Variants in ZNF90 observed in about 807,000 individuals in gnomAD.
ZNF90 encodes the protein zinc finger protein 90, also known as zinc finger protein HTF9.
ZNF90 carries 11 observed loss-of-function variants against 12.0 expected under a neutral mutation model. The ratio of observed to expected loss-of-function variants is 0.92; its 90% CI spans 0.58 to 1.52. The LOEUF is 1.52. Ranked by LOEUF, ZNF90 falls within the 40% of genes most tolerant of loss-of-function variation. ZNF90 has a pLI of 0.00. For missense variants in ZNF90, 765 were observed against 711.5 expected, an observed-to-expected ratio of 1.08 and a Z score of -0.86; for synonymous variants, 232 against 240.1, an observed-to-expected ratio of 0.97 and a Z score of 0.31.
chr19:20,093,227 C>T (rs1050528515), intron 1 of ZNF90, among the ~76,000 whole-genome samples: 1 of 152,222 alleles, frequency 6.6e-6, no homozygotes, highest in Non-Finnish European at 1.5e-5. Context: ...CTGAACTAAT[C>T]TGTAAGACTT....
rs56068843 is a variant in ZNF90 at position 20,085,268 on chromosome 19, C to CTTTTTTTTTTCTTTCTTTTT, written c.3+7143_3+7144insCTTTCTTTTTTTTTTTTTTT. Among the ~76,000 whole-genome samples the CTTTTTTTTTTCTTTCTTTTT allele has an allele frequency of 6.2e-3, 840 of 135,536 alleles. 8 individuals are homozygous for CTTTTTTTTTTCTTTCTTTTT. The highest frequency in any genetic ancestry group is 9.6e-3 in the Non-Finnish European group (625 of 65,084). 88.9% of individuals were successfully genotyped at this position (135,536 alleles called of 152,430 possible). ...GGCCTCTCTGTTCTGTTGCATTGGTCTTTTTTTTTTAGACGGAGTCTCGCT... is the reference window on the plus strand; with the variant it reads ...GGCCTCTCTGTTCTGTTGCATTGGTCTTTTTTTTTTCTTTCTTTTTTTTTTTTTTTAGACGGAGTCTCGCT... On this transcript the variant is annotated intron_variant, in intron 1 of 3. Coordinates refer to ENST00000418063, the MANE Select transcript of ZNF90 (RefSeq NM_007138.2).
At position 20,078,090 on chromosome 19, in the gene ZNF90, G is replaced by A. The variant is rs768145527; in HGVS notation, c.-43G>A. 4.3e-6 allele frequency: 7 copies of A among 1,613,924 alleles called. No homozygotes were observed. In the Admixed American group the frequency reaches 6.7e-5, roughly 15 times the overall value. ...GCCTCTGTGGCCCTGTGACCTGCAG[G>A]TATTGGGAGATCCACAGCTGAGGGA... On this transcript the variant is annotated 5_prime_UTR_variant, in exon 1 of 4. Coordinates refer to ENST00000418063, the MANE Select transcript of ZNF90 (RefSeq NM_007138.2).
chr19:20,102,990 C>G (rs543483334), intron 1 of ZNF90, among the ~76,000 whole-genome samples: 45 of 152,034 alleles, frequency 3.0e-4, no homozygotes, highest in Non-Finnish European at 2.8e-4. Flanking sequence ...ATTTTACTTA[C>G]TTTTTTTGGG....
chr19:20,102,087 A>G (rs551704262), intron 1 of ZNF90, among the ~76,000 whole-genome samples: 3 of 152,176 alleles, frequency 2.0e-5, no homozygotes, highest in Non-Finnish European at 4.4e-5. Flanking sequence ...TCAGCTTGTT[A>G]ACTTCCTTTA....
At position 20,120,540 on chromosome 19, in the gene ZNF90, T is replaced by C. The variant is rs1183875542; in HGVS notation, c.*1180T>C. Among the ~76,000 whole-genome samples, 2 of 152,140 alleles carry C rather than the reference T, an allele frequency of 1.3e-5. No individual in the cohort carries two copies. Among genetic ancestry groups the C allele is most frequent in the Admixed American group, 1.3e-4 (2 of 15,270 alleles). The stretch of plus-strand genomic sequence containing the variant: ...AAATTTTTTTTCAAAAACTACAGCT[T>C]AGAAAACACCAGAGAGTTGATACTA... On this transcript the variant is annotated 3_prime_UTR_variant, in exon 4 of 4. Transcript: ENST00000418063.
rs2089012763 is a variant in ZNF90 at position 20,104,299 on chromosome 19, G to T, written c.64G>T (p.Asp22Tyr). The change falls in exon 2 of 4, where the codon GAC (aspartate) becomes TAC (tyrosine). Residue 22 changes from aspartate (D) to tyrosine (Y), a missense_variant. Asp to Tyr is a radical substitution (Grantham distance 160). Coordinates refer to ENST00000418063, the MANE Select transcript of ZNF90 (RefSeq NM_007138.2). ...EFSLEEWHCL[D>Y]TAQQNLYRDV... Reference sequence around the variant, plus strand: ...CTCTCTGGAGGAGTGGCATTGCCTGGACACTGCACAGCAGAATTTATATAG... The same window carrying T: ...CTCTCTGGAGGAGTGGCATTGCCTGTACACTGCACAGCAGAATTTATATAG... The T allele has an allele frequency of 6.2e-7, 1 of 1,613,962 alleles. No individual in the cohort carries two copies. The highest frequency in any genetic ancestry group is 1.7e-5 in the Admixed American group (1 of 60,008).
chr19:20,105,873 T>C (rs782358200), intron 3 of ZNF90, among the ~76,000 whole-genome samples: 3 of 152,160 alleles, frequency 2.0e-5, no homozygotes, highest in Admixed American at 6.5e-5. Context: ...TTCATGTAAA[T>C]TTTAGAATTG....
At chr19:20,093,471 G>T (rs868911461) in intron 1 of ZNF90, among the ~76,000 whole-genome samples, 37 of 152,204 alleles carry the variant, frequency 2.4e-4, no homozygotes, top group Admixed American at 5.2e-4. Context: ...GGGCTAAGGT[G>T]GGGGGATATG....
chr19:20,103,178 T>G (rs1050846510), intron 1 of ZNF90, among the ~76,000 whole-genome samples: 5 of 152,142 alleles, frequency 3.3e-5, no homozygotes, highest in South Asian at 2.1e-4. Flanking sequence ...CCCACGCTGT[T>G]TATTGGTAAT....
At chr19:20,106,358 T>C (rs1218638385) in intron 3 of ZNF90, among the ~76,000 whole-genome samples, 2 of 152,242 alleles carry the variant, frequency 1.3e-5, no homozygotes, top group African/African-American at 4.8e-5. Context: ...CTAATTCTTC[T>C]GCCACATATT....
rs782269873 is a variant in ZNF90, at chr19:20,105,317, G to C, written c.226+1G>C. 1.2e-6 allele frequency: 2 copies of C among 1,602,386 alleles called. No homozygotes were observed. Among genetic ancestry groups the C allele is most frequent in the South Asian group, 1.1e-5 (1 of 90,398 alleles). Reference sequence around the variant, plus strand: ...CATGAGATGATTGCCAAATCCCCAGGTAGGTGCGAGTGAAAATGAATACAA... The same window carrying C: ...CATGAGATGATTGCCAAATCCCCAGCTAGGTGCGAGTGAAAATGAATACAA... On this transcript the variant is annotated splice_donor_variant, in intron 3 of 3. Coordinates refer to ENST00000418063, the MANE Select transcript of ZNF90 (RefSeq NM_007138.2). LOFTEE classifies it high-confidence loss of function.
intron 1 of ZNF90, among the ~76,000 whole-genome samples, chr19:20,098,906 C>T (rs777849590): frequency 1.2e-4 from 19 of 152,036 alleles, no homozygotes; most frequent in Non-Finnish European, 2.2e-4. Flanking sequence ...ATGATAAACA[C>T]GGAGATCTGG....
chr19:20,078,522 A>T (rs985173723), intron 1 of ZNF90, among the ~76,000 whole-genome samples: 5 of 151,864 alleles, frequency 3.3e-5, no homozygotes, highest in African/African-American at 1.2e-4. Flanking sequence ...TTAAAAACTT[A>T]TGGGGCCGGT....
chr19:20,109,751 A>C (rs543792860), intron 3 of ZNF90, among the ~76,000 whole-genome samples: 2 of 152,078 alleles, frequency 1.3e-5, no homozygotes, highest in East Asian at 1.9e-4. Context: ...GGTGGTGTGC[A>C]GCTGTGGTCC....
At chr19:20,083,978 A>G (rs1213699984) in intron 1 of ZNF90, among the ~76,000 whole-genome samples, 1 of 151,908 alleles carries the variant, frequency 6.6e-6, no homozygotes, top group African/African-American at 2.4e-5. Context: ...CTGGTCCCAA[A>G]CTTCTAAACT....
At chr19:20,102,298 C>T (rs2088995815) in intron 1 of ZNF90, among the ~76,000 whole-genome samples, 3 of 152,152 alleles carry the variant, frequency 2.0e-5, no homozygotes, top group African/African-American at 4.8e-5. Context: ...CCCTAGTCAC[C>T]TGCTCTGTCC....
rs564010684 is a variant in ZNF90 at position 20,104,871 on chromosome 19, G to A, written c.131-350G>A. ...TAGCTTGGCATGGTGGCACATGCCT[G>A]TAATCCCAGCTACTCTGAAGGCTGA... On this transcript the variant is annotated intron_variant, in intron 2 of 3. Coordinates refer to ENST00000418063, the MANE Select transcript of ZNF90 (RefSeq NM_007138.2). Among the ~76,000 whole-genome samples the A allele has an allele frequency of 2.0e-5, 3 of 152,226 alleles. No individual in the cohort carries two copies. In the East Asian group the frequency reaches 5.8e-4, roughly 29 times the overall value.
rs1568293970 is a variant in ZNF90 at position 20,117,767 on chromosome 19, A to C, written c.227-14A>C. 6.7e-7 allele frequency: 1 copy of C among 1,488,000 alleles called. No homozygotes were observed. Among genetic ancestry groups the C allele is most frequent in the Non-Finnish European group, 8.9e-7 (1 of 1,122,818 alleles). 92.2% of individuals were successfully genotyped at this position (1,488,000 alleles called of 1,614,324 possible). ...CTAGCAATTGAAGTAATGTGTTCTT[A>C]TTGTTTCTTTCAGTTATGTGTTTTC... is the stretch of plus-strand genomic sequence containing the variant. On this transcript the variant is annotated splice_polypyrimidine_tract_variant and intron_variant, in intron 3 of 3. Transcript: ENST00000418063.
Position 20,120,641 on chromosome 19 carries a change from T to C in ZNF90, c.*1281T>C, listed in dbSNP as rs982842754. Among the ~76,000 whole-genome samples, 2 of 152,140 alleles carry C rather than the reference T, an allele frequency of 1.3e-5. No individual in the cohort carries two copies. The highest frequency in any genetic ancestry group is 4.8e-5 in the African/African-American group (2 of 41,426). ...GAATTCCATGTAAATATCAGAGAAT[T>C]TACAGTAGAATAAGGCACTGATACT... On this transcript the variant is annotated 3_prime_UTR_variant, in exon 4 of 4. Transcript: ENST00000418063.
Sources: allele counts gnomAD v4.1 joint callset (sites outside exome capture counted in the v4.1 genomes callset), GRCh38; gene constraint gnomAD v4.1.1; transcripts MANE v1.5; gene names NCBI Gene and HGNC (gene_info 2026-07-23, HGNC 2026-07-21).